Variants in TICRR observed in about 807,000 individuals in gnomAD.
TICRR encodes TOPBP1 interacting checkpoint and replication regulator, also known as treslin.
TICRR carries 132 observed loss-of-function variants against 178.1 expected under a neutral mutation model. The ratio of observed to expected loss-of-function variants is 0.74; its 90% CI spans 0.64 to 0.86. TICRR has a LOEUF of 0.86. Ranked by LOEUF, TICRR falls within the 40% of genes least tolerant of loss-of-function variation. The pLI, the probability that TICRR is intolerant of heterozygous loss-of-function variation, is 0.00. For missense variants in TICRR, 2,587 were observed against 2,334.3 expected (o/e 1.11, Z -2.23); for synonymous variants, 991 against 900.7 (o/e 1.10, Z -1.79).
intron 1 of TICRR, among the ~76,000 whole-genome samples, chr15:89,578,469 T>A (rs1962663923): frequency 6.6e-6 from 1 of 152,144 alleles, no homozygotes; most frequent in Non-Finnish European, 1.5e-5. Flanking sequence ...ATATTAAAAT[T>A]TAAGGCAGCC....
chr15:89,627,511 C>T lies in TICRR; in HGVS notation c.*425C>T, dbSNP rs1268216663. The T allele has an allele frequency of 1.1e-5, 2 of 180,176 alleles. No homozygotes were observed. Among genetic ancestry groups the T allele is most frequent in the African/African-American group, 2.4e-5 (1 of 42,334 alleles). 11.2% of individuals were successfully genotyped at this position (180,176 alleles called of 1,614,324 possible). On this transcript the variant is annotated 3_prime_UTR_variant, in exon 22 of 22. Coordinates refer to ENST00000268138, the MANE Select transcript of TICRR (RefSeq NM_152259.4). ...AGGCAGCGCTTTGTAAACTGTGAAG[C>T]CATATACGTGAAACTGAAGAGTGCA...
rs1398600443 is a variant in TICRR at position 89,624,835 on chromosome 15, T to C, written c.4525T>C (p.Ser1509Pro). The C allele has an allele frequency of 8.7e-6, 14 of 1,614,018 alleles. No individual in the cohort carries two copies. Among genetic ancestry groups the C allele is most frequent in the Non-Finnish European group, 1.2e-5 (14 of 1,180,020 alleles). ...TCTGTCTCACCCTGGGATTCCCCCA[T>C]CTCCTCCTTCCTGTGGGCCTGGCTC... is the stretch of plus-strand genomic sequence containing the variant. ...SSLSHPGIPP[S>P]PPSCGPGSPL... Residue 1509 changes from serine (S) to proline (P), a missense_variant, in exon 20 of 22, where the codon TCT becomes CCT. Ser to Pro is a moderately conservative substitution (Grantham distance 74). Coordinates refer to ENST00000268138, the MANE Select transcript of TICRR (RefSeq NM_152259.4).
In TICRR at chr15:89,582,699, C is replaced by G; in HGVS notation, c.668C>G (p.Pro223Arg). The G allele has an allele frequency of 6.2e-7, 1 of 1,613,334 alleles. No homozygotes were observed. The highest frequency in any genetic ancestry group is 8.5e-7 in the Non-Finnish European group (1 of 1,179,360). The change falls in exon 2 of 22, where the codon CCA (proline) becomes CGA (arginine). Residue 223 changes from proline (P) to arginine (R), a missense_variant. Physicochemically the swap from Pro to Arg is moderately radical, Grantham distance 103. Coordinates refer to ENST00000268138, the MANE Select transcript of TICRR (RefSeq NM_152259.4). ...GTTTTATTTTAGTTGTGGGAATCCC[C>G]AGACCACCTTGGATACTGGACTGTT... ...TTEWSKLWES[P>R]DHLGYWTVCE...
chr15:89,613,089 T>C (rs1596054176), intron 15 of TICRR, among the ~76,000 whole-genome samples: 1 of 152,368 alleles, frequency 6.6e-6, no homozygotes. Flanking sequence ...CCCACAGGAC[T>C]CCTTTTAGTA....
At chr15:89,595,293 C>T in intron 6 of TICRR, 100 bp from the exon 7 acceptor site, 1 of 830,900 alleles carries the variant, frequency 1.2e-6, no homozygotes, top group Middle Eastern at 3.6e-4. Flanking sequence ...GGATATGCTT[C>T]ATTTTGATAT....
intron 19 of TICRR, among the ~76,000 whole-genome samples, chr15:89,622,495 C>G (rs1963442898): frequency 6.6e-6 from 1 of 152,220 alleles, no homozygotes; most frequent in Non-Finnish European, 1.5e-5. Flanking sequence ...TCCGCTAAAG[C>G]AAGGCTTTAA....
At chr15:89,622,044 T>C (rs796606226) in intron 19 of TICRR, among the ~76,000 whole-genome samples, 71 of 141,976 alleles carry the variant, frequency 5.0e-4, no homozygotes, top group African/African-American at 1.8e-3. Context: ...TGGAGTGCAG[T>C]GGCACGATCT....
rs1963497556 is a variant in TICRR at position 89,625,189 on chromosome 15, C to G, written c.4879C>G (p.Pro1627Ala). ...PEPTYVSPPC[P>A]RLSHSTPGKS... ...ACCCACCTATGTGTCACCCCCCTGC[C>G]CCCGCCTCTCCCACAGCACACCTGG... is the stretch of plus-strand genomic sequence containing the variant. The change falls in exon 20 of 22, where the codon CCC becomes GCC. Residue 1627 changes from proline to alanine, a missense_variant. By Grantham distance (27) the Pro-to-Ala change is conservative. Transcript: ENST00000268138. 3 of 1,613,758 alleles carry G rather than the reference C, an allele frequency of 1.9e-6. No homozygotes were observed. Among genetic ancestry groups the G allele is most frequent in the Non-Finnish European group, 2.5e-6 (3 of 1,179,892 alleles).
intron 4 of TICRR, among the ~76,000 whole-genome samples, chr15:89,589,125 G>A (rs137970676): frequency 5.3e-4 from 80 of 152,270 alleles, no homozygotes; most frequent in Non-Finnish European, 8.8e-4. Flanking sequence ...AGGATTTTAC[G>A]TGTGGAAGGG....
In TICRR at chr15:89,624,340, C is replaced by T; in HGVS notation, c.4030C>T (p.Gln1344Ter). ...AGGAGAACTGGATCAGAAAGAGCCCCAGATGTCACCCAGCGTAGCTGCATC... is the reference window on the plus strand; with the variant it reads ...AGGAGAACTGGATCAGAAAGAGCCCTAGATGTCACCCAGCGTAGCTGCATC... ...SPGELDQKEP[Q>*]MSPSVAASLS... is the part of the protein sequence containing the mutation. The change falls in exon 20 of 22, where the codon CAG (glutamine) becomes TAG (stop). Residue 1344 changes from glutamine to a stop codon, truncating the protein, a stop_gained. Transcript: ENST00000268138. LOFTEE classifies it high-confidence loss of function. The T allele has an allele frequency of 6.2e-7, 1 of 1,614,142 alleles. No homozygotes were observed. The highest frequency in any genetic ancestry group is 8.5e-7 in the Non-Finnish European group (1 of 1,180,026).
chr15:89,621,982 CTTTTTTTTT>C (rs34123859), intron 19 of TICRR, among the ~76,000 whole-genome samples: 3 of 87,746 alleles, frequency 3.4e-5, no homozygotes, highest in Middle Eastern at 9.1e-3. Flanking sequence ...CAAACTGACT[CTTTTTTTTT>C]TTTTTTTTTT....
chr15:89,601,519 A>C lies in TICRR; in HGVS notation c.2278A>C (p.Thr760Pro), dbSNP rs759426400. 6.2e-7 allele frequency: 1 copy of C among 1,614,088 alleles called. No individual in the cohort carries two copies. The highest frequency in any genetic ancestry group is 8.5e-7 in the Non-Finnish European group (1 of 1,180,044). ...VTDLLRMVCLTEDSAYLAEFL... is the reference protein window; with the variant it reads ...VTDLLRMVCLPEDSAYLAEFL... ...AGATTTGCTGCGCATGGTGTGTTTA[A>C]CTGAGGATTCAGCGTACCTAGCAGA... The change falls in exon 11 of 22, where the codon ACT becomes CCT. Residue 760 changes from threonine to proline, a missense_variant. Transcript: ENST00000268138.
intron 19 of TICRR, among the ~76,000 whole-genome samples, chr15:89,622,311 C>T (rs140425661): frequency 6.6e-6 from 1 of 152,008 alleles, no homozygotes; most frequent in Non-Finnish European, 1.5e-5. Context: ...GTACCCACCC[C>T]CTCTTCTCCC....
In TICRR at chr15:89,600,688, A is replaced by G. The variant is rs760934660; in HGVS notation, c.2153+3A>G. 6.4e-6 allele frequency: 9 copies of G among 1,401,124 alleles called. No individual in the cohort carries two copies. The highest frequency in any genetic ancestry group is 2.9e-5 in the African/African-American group (2 of 68,812). 86.8% of individuals were successfully genotyped at this position (1,401,124 alleles called of 1,614,324 possible). A position where few individuals can be genotyped will look rare whatever the true frequency, so the allele number is the denominator to read the frequency against. ...GATAAGGAAGACAAAGTTAGAGAGTAAGTAACTACCATTTTTTAAAAAATC... is the reference window on the plus strand; with the variant it reads ...GATAAGGAAGACAAAGTTAGAGAGTGAGTAACTACCATTTTTTAAAAAATC... On this transcript the variant is annotated splice_donor_region_variant and intron_variant, in intron 9 of 21. Coordinates refer to ENST00000268138, the MANE Select transcript of TICRR (RefSeq NM_152259.4).
At chr15:89,581,270 G>A (rs1048723369) in intron 1 of TICRR, among the ~76,000 whole-genome samples, 2 of 152,120 alleles carry the variant, frequency 1.3e-5, no homozygotes, top group Non-Finnish European at 2.9e-5. Flanking sequence ...CATATTCTAA[G>A]GGGTGTGCTC....
At chr15:89,619,866 TC>T in intron 18 of TICRR, 24 bp downstream of exon 18, 1 of 1,590,422 alleles carries the variant, frequency 6.3e-7, no homozygotes, top group Non-Finnish European at 8.5e-7. Context: ...CCCTCTGCCT[TC>T]ACAAGTCCGT....
intron 5 of TICRR, 27 bp downstream of exon 5, chr15:89,592,203 A>G: frequency 6.3e-7 from 1 of 1,581,312 alleles, no homozygotes; most frequent in Non-Finnish European, 8.7e-7. Flanking sequence ...TCTCTTGAAT[A>G]TTGATTATTA....
In TICRR at chr15:89,594,501, G is replaced by A. The variant is rs1962964070; in HGVS notation, c.1628G>A (p.Arg543Lys). The change falls in exon 6 of 22, where the codon AGA becomes AAA. Residue 543 changes from arginine (R) to lysine (K), a missense_variant. Coordinates refer to ENST00000268138, the MANE Select transcript of TICRR (RefSeq NM_152259.4). ...CATTGCCTTGCCGAGCTCTACCAGA[G>A]AAAATCTCGTGAAGAATCCACTATA... ...LIHCLAELYQ[R>K]KSREESTIAH... The A allele has an allele frequency of 3.7e-6, 6 of 1,613,288 alleles. No individual in the cohort carries two copies. In the East Asian group the frequency reaches 1.3e-4, roughly 36 times the overall value.
intron 7 of TICRR, among the ~76,000 whole-genome samples, chr15:89,598,886 G>T (rs778106724): frequency 2.0e-5 from 3 of 152,024 alleles, no homozygotes; most frequent in Non-Finnish European, 2.9e-5. Flanking sequence ...ACATGCTTGT[G>T]GTCCCAGCTA....
Sources: allele counts gnomAD v4.1 joint callset (sites outside exome capture counted in the v4.1 genomes callset), GRCh38; gene constraint gnomAD v4.1.1; transcripts MANE v1.5; gene names NCBI Gene and HGNC (gene_info 2026-07-23, HGNC 2026-07-21).